The following CTNNA3 variants were observed in gnomAD, a reference collection of about 807,000 sequenced individuals.
CTNNA3 encodes the protein catenin alpha 3.
A neutral mutation model predicts 95.7 loss-of-function variants in CTNNA3; 76 were observed. That is an observed-to-expected ratio of 0.79 (90% CI 0.66 to 0.96). CTNNA3 has a LOEUF of 0.96. Among genes scored for constraint, CTNNA3 ranks in the 40% least tolerant of loss-of-function variants. The pLI is 0.00. For missense variants in CTNNA3, 1,191 were observed against 1,089.8 expected, an observed-to-expected ratio of 1.09 and a Z score of -1.31; for synonymous variants, 431 against 374.4, an observed-to-expected ratio of 1.15 and a Z score of -1.74.
At chr10:66,788,352 G>C (rs1390238087) in intron 7 of CTNNA3, among the ~76,000 whole-genome samples, 1 of 152,074 alleles carries the variant, frequency 6.6e-6, no homozygotes, top group Non-Finnish European at 1.5e-5. Flanking sequence ...CAGGCGCCAG[G>C]GAGGACTGAT....
chr10:67,061,950 T>TA (rs201000620), intron 7 of CTNNA3, among the ~76,000 whole-genome samples: 1,429 of 110,866 alleles, frequency 0.013, 24 homozygotes, highest in African/African-American at 0.049. Flanking sequence ...TTATTTACTG[T>TA]AAAAAAAATC....
intron 13 of CTNNA3, among the ~76,000 whole-genome samples, chr10:66,167,643 T>C (rs2085202278): frequency 6.6e-6 from 1 of 152,168 alleles, no homozygotes; most frequent in Admixed American, 6.6e-5. Context: ...ATCTACTTTA[T>C]TACTTTGTTA....
At chr10:67,208,457 C>T (rs1329996241) in intron 6 of CTNNA3, among the ~76,000 whole-genome samples, 1 of 149,896 alleles carries the variant, frequency 6.7e-6, no homozygotes, top group Non-Finnish European at 1.5e-5. Flanking sequence ...AAAATAAAAA[C>T]TAGACAGTTG....
chr10:66,706,873 C>T (rs117026926), intron 9 of CTNNA3, among the ~76,000 whole-genome samples: 1,594 of 151,798 alleles, frequency 0.011, 15 homozygotes, highest in Middle Eastern at 0.027. Flanking sequence ...GAGAGTGTTT[C>T]GGTAGAATAA....
intron 13 of CTNNA3, among the ~76,000 whole-genome samples, chr10:66,137,893 T>C (rs988011501): frequency 6.6e-6 from 1 of 152,116 alleles, no homozygotes; most frequent in Non-Finnish European, 1.5e-5. Context: ...GAGGTTGCAG[T>C]GAGCCAAGAT....
At chr10:67,263,086 G>A (rs1231376069) in intron 5 of CTNNA3, among the ~76,000 whole-genome samples, 2 of 152,132 alleles carry the variant, frequency 1.3e-5, no homozygotes, top group Non-Finnish European at 2.9e-5. Context: ...AGGTTAGCAG[G>A]TCCAGATGGC....
At chr10:66,276,895 T>C (rs1370729867) in intron 13 of CTNNA3, among the ~76,000 whole-genome samples, 1 of 152,140 alleles carries the variant, frequency 6.6e-6, no homozygotes, top group Non-Finnish European at 1.5e-5. Flanking sequence ...TTTAATACCA[T>C]GTCTATCTTA....
intron 9 of CTNNA3, among the ~76,000 whole-genome samples, chr10:66,712,608 T>TCACACACACACACACACACACA (rs201322402): frequency 2.7e-4 from 41 of 151,622 alleles, no homozygotes; most frequent in Middle Eastern, 3.4e-3. Context: ...TCTCTCTCTC[T>TCACACACACACACACACACACA]CACACACACA....
At chr10:67,380,155 A>G (rs1405233053) in intron 5 of CTNNA3, among the ~76,000 whole-genome samples, 2 of 152,212 alleles carry the variant, frequency 1.3e-5, no homozygotes, top group African/African-American at 4.8e-5. Context: ...CTGAAGAAGA[A>G]ATAAGAGGAA....
chr10:66,104,270 C>T (rs897162948), intron 13 of CTNNA3, among the ~76,000 whole-genome samples: 13 of 152,190 alleles, frequency 8.5e-5, no homozygotes, highest in African/African-American at 3.1e-4. Context: ...ACTTTATCTG[C>T]CATAATGATC....
intron 9 of CTNNA3, among the ~76,000 whole-genome samples, chr10:66,727,574 A>T (rs1848819332): frequency 6.6e-6 from 1 of 152,116 alleles, no homozygotes; most frequent in Non-Finnish European, 1.5e-5. Context: ...TAATAATTAA[A>T]GCAATATTTC....
chr10:67,057,030 C>T (rs751571212), intron 7 of CTNNA3, among the ~76,000 whole-genome samples: 1 of 152,214 alleles, frequency 6.6e-6, no homozygotes, highest in African/African-American at 2.4e-5. Flanking sequence ...TTAAGCACTA[C>T]ATCAGCAATT....
intron 10 of CTNNA3, among the ~76,000 whole-genome samples, chr10:66,612,732 T>A (rs1025044282): frequency 3.9e-5 from 6 of 152,114 alleles, no homozygotes; most frequent in Non-Finnish European, 8.8e-5. Flanking sequence ...CTCAATTGTT[T>A]ACTTTTTTCA....
intron 17 of CTNNA3, among the ~76,000 whole-genome samples, chr10:65,949,266 C>T (rs991597708): frequency 6.6e-6 from 1 of 152,124 alleles, no homozygotes; most frequent in Admixed American, 6.5e-5. Flanking sequence ...CATTTTCGCT[C>T]CATCAGTTAC....
At chr10:65,953,162 T>C (rs2077653801) in intron 17 of CTNNA3, among the ~76,000 whole-genome samples, 1 of 152,320 alleles carries the variant, frequency 6.6e-6, no homozygotes, top group African/African-American at 2.4e-5. Flanking sequence ...AGTTTCCCAC[T>C]AGGCGTGGTG....
intron 5 of CTNNA3, among the ~76,000 whole-genome samples, chr10:67,404,257 C>A (rs1310284392): frequency 1.3e-5 from 2 of 151,950 alleles, no homozygotes; most frequent in Non-Finnish European, 2.9e-5. Flanking sequence ...AAATGAACTT[C>A]ACTGAGCTAA....
chr10:66,136,745 T>C (rs545497783), intron 13 of CTNNA3, among the ~76,000 whole-genome samples: 2 of 152,314 alleles, frequency 1.3e-5, no homozygotes, highest in Non-Finnish European at 2.9e-5. Flanking sequence ...ATGACAGATG[T>C]AAATTTGGTA....
intron 7 of CTNNA3, among the ~76,000 whole-genome samples, chr10:66,842,786 C>G (rs79987232): frequency 0.037 from 5,637 of 152,094 alleles, 355 homozygotes; most frequent in African/African-American, 0.13. Context: ...CTTCAGAAAC[C>G]TAGAAGGGAA....
At position 66,002,215 on chromosome 10, in the gene CTNNA3, C is replaced by T. The variant is rs1481176731; in HGVS notation, c.2160-13418G>A. On this transcript the variant is annotated intron_variant, in intron 15 of 17. Transcript: ENST00000433211. ...AAAGAGATATAGACTCAAGCAAGGA[C>T]ACACTGTTCTTCTACTATTCAAACA... 3.9e-5 allele frequency among the ~76,000 whole-genome samples: 6 copies of T among 152,284 alleles called. No individual in the cohort carries two copies. The East Asian group carries it at 7.7e-4, about 20-fold the overall frequency.
Sources: gnomAD v4.1 joint callset for allele counts (sites outside exome capture counted in the v4.1 genomes callset) on GRCh38, gnomAD v4.1.1 for gene constraint, MANE v1.5 for transcripts, NCBI Gene and HGNC (gene_info 2026-07-23, HGNC 2026-07-21) for gene names.